The following ADAMTSL1 variants were observed in gnomAD, a reference collection of about 807,000 sequenced individuals.
ADAMTSL1 encodes ADAMTS-like protein 1.
Under a neutral mutation model 201.8 loss-of-function variants are expected in ADAMTSL1, and 126 were observed. The observed-to-expected ratio is 0.62, with a 90% CI of 0.54 to 0.72. The LOEUF is 0.72. ADAMTSL1 is among the 30% of genes least tolerant of loss of function. ADAMTSL1 has a pLI of 0.00. For synonymous variants in ADAMTSL1, 1,121 were observed against 903.4 expected, an observed-to-expected ratio of 1.24 and a Z score of -4.32; for missense variants, 2,679 against 2,277.8, an observed-to-expected ratio of 1.18 and a Z score of -3.59.
intron 7 of ADAMTSL1, among the ~76,000 whole-genome samples, chr9:18,640,930 C>G (rs997894767): frequency 1.3e-5 from 2 of 152,032 alleles, no homozygotes; most frequent in African/African-American, 4.8e-5. Context: ...AATCCCTTTC[C>G]TAATCCTTCA....
At chr9:18,888,382 T>C (rs192505121) in intron 24 of ADAMTSL1, among the ~76,000 whole-genome samples, 107 of 152,354 alleles carry the variant, frequency 7.0e-4, no homozygotes, top group African/African-American at 2.4e-3. Context: ...CTAGTACAGA[T>C]CTCACACACA....
At chr9:18,697,137 C>T (rs191550596) in intron 13 of ADAMTSL1, among the ~76,000 whole-genome samples, 3 of 151,890 alleles carry the variant, frequency 2.0e-5, no homozygotes, top group Non-Finnish European at 4.4e-5. Flanking sequence ...CCACCTCAGC[C>T]CCCCCAAGTG....
chr9:18,512,842 G>A (rs1054273829), intron 2 of ADAMTSL1, among the ~76,000 whole-genome samples: 1 of 152,092 alleles, frequency 6.6e-6, no homozygotes, highest in Non-Finnish European at 1.5e-5. Context: ...TTAGCACACA[G>A]CAGACATTCA....
chr9:18,469,277 C>T (rs1467920364), upstream of ADAMTSL1, among the ~76,000 whole-genome samples: 1 of 152,154 alleles, frequency 6.6e-6, no homozygotes, highest in African/African-American at 2.4e-5. Flanking sequence ...TGGTTATGAA[C>T]ACAGATTGCT....
chr9:17,991,898 C>A (rs982291750), intron 1 of ADAMTSL1, among the ~76,000 whole-genome samples: 1 of 152,096 alleles, frequency 6.6e-6, no homozygotes, highest in African/African-American at 2.4e-5. Context: ...CAGGGCCCTG[C>A]CCCCGTGGTA....
At chr9:18,428,427 A>G (rs1163504154) in intron 2 of ADAMTSL1, among the ~76,000 whole-genome samples, 22 of 92,568 alleles carry the variant, frequency 2.4e-4, no homozygotes, top group Non-Finnish European at 6.8e-5. Context: ...TGAGACCCCT[A>G]TGTCTACAAA....
intron 20 of ADAMTSL1, among the ~76,000 whole-genome samples, chr9:18,815,023 A>G (rs554789254): frequency 6.6e-6 from 1 of 152,320 alleles, no homozygotes; most frequent in South Asian, 2.1e-4. Context: ...CCTTACCTCT[A>G]TTAGAATGGG....
intron 2 of ADAMTSL1, among the ~76,000 whole-genome samples, chr9:18,425,335 C>T (rs1355272534): frequency 1.3e-5 from 2 of 152,136 alleles, no homozygotes. Context: ...AAGATAGGTA[C>T]AAAATGCACA....
intron 3 of ADAMTSL1, among the ~76,000 whole-genome samples, chr9:18,548,853 G>A (rs1011265014): frequency 2.0e-5 from 3 of 151,878 alleles, no homozygotes; most frequent in Non-Finnish European, 4.4e-5. Flanking sequence ...CAAAAATCTA[G>A]TAATTGAAAT....
chr9:18,745,000 C>G (rs1819052775), intron 15 of ADAMTSL1, among the ~76,000 whole-genome samples: 1 of 152,142 alleles, frequency 6.6e-6, no homozygotes, highest in African/African-American at 2.4e-5. Context: ...TGATGTGTCT[C>G]ATTACTGGTG....
chr9:18,529,207 A>G (rs1480725373), intron 2 of ADAMTSL1, among the ~76,000 whole-genome samples: 1 of 152,182 alleles, frequency 6.6e-6, no homozygotes, highest in Admixed American at 6.5e-5. Context: ...TTACTGATGA[A>G]CATGGTTTTC....
intron 13 of ADAMTSL1, among the ~76,000 whole-genome samples, chr9:18,694,642 C>T (rs1831439686): frequency 6.6e-6 from 1 of 152,130 alleles, no homozygotes; most frequent in Non-Finnish European, 1.5e-5. Flanking sequence ...AAGGGGTGGG[C>T]TCCAAAGGCC....
intron 2 of ADAMTSL1, among the ~76,000 whole-genome samples, chr9:18,336,439 G>A (rs1476244988): frequency 6.6e-6 from 1 of 151,962 alleles, no homozygotes; most frequent in Admixed American, 6.6e-5. Flanking sequence ...AAGGTACTTA[G>A]ATTATTTCAG....
intron 1 of ADAMTSL1, among the ~76,000 whole-genome samples, chr9:18,031,689 AT>A (rs1191029162): frequency 6.6e-6 from 1 of 152,090 alleles, no homozygotes; most frequent in Non-Finnish European, 1.5e-5. Flanking sequence ...GCCTTTTCCA[AT>A]CGTTGGCATT....
At chr9:17,973,722 G>C (rs1290052480) in intron 1 of ADAMTSL1, among the ~76,000 whole-genome samples, 4 of 137,296 alleles carry the variant, frequency 2.9e-5, no homozygotes, top group Admixed American at 7.8e-5. Context: ...GTAGCTTGAT[G>C]GGGATGGCAT....
chr9:18,643,862 G>C (rs1827604783), intron 7 of ADAMTSL1, among the ~76,000 whole-genome samples: 1 of 151,636 alleles, frequency 6.6e-6, no homozygotes, highest in African/African-American at 2.4e-5. Context: ...TGGCTATTTG[G>C]GGTATTTTGT....
At chr9:18,393,575 A>G (rs114253074) in intron 2 of ADAMTSL1, among the ~76,000 whole-genome samples, 1,985 of 152,316 alleles carry the variant, frequency 0.013, 42 homozygotes, top group African/African-American at 0.047. Context: ...TGTGGTGGTC[A>G]TTGAGGTTGG....
At chr9:18,856,460 A>AT (rs398010404) in intron 23 of ADAMTSL1, among the ~76,000 whole-genome samples, 16,870 of 111,068 alleles carry the variant, frequency 0.15, 3,116 homozygotes, top group African/African-American at 0.4. Context: ...GATAAGAAGG[A>AT]TTTTTTTTTT....
chr9:18,479,471 T>C (rs1822802412), intron 1 of ADAMTSL1, among the ~76,000 whole-genome samples: 1 of 152,222 alleles, frequency 6.6e-6, no homozygotes, highest in Non-Finnish European at 1.5e-5. Context: ...ATACCATAAT[T>C]TCTGTGTTCA....
Sources: gnomAD v4.1 joint callset for allele counts (sites outside exome capture counted in the v4.1 genomes callset) on GRCh38, gnomAD v4.1.1 for gene constraint, MANE v1.5 for transcripts, NCBI Gene and HGNC (gene_info 2026-07-23, HGNC 2026-07-21) for gene names.